Variants in NCOR2 observed in about 807,000 individuals in gnomAD.
NCOR2 encodes CTG repeat protein 26.
A neutral mutation model predicts 262.9 loss-of-function variants in NCOR2; 81 were observed. The ratio of observed to expected loss-of-function variants is 0.31; its 90% CI spans 0.26 to 0.37. The LOEUF is 0.37. Among genes scored for constraint, NCOR2 ranks in the 10% least tolerant of loss-of-function variants. NCOR2 has a pLI of 1.00. For missense variants in NCOR2, 3,385 were observed against 3,621.4 expected (o/e 0.93, Z 1.68); for synonymous variants, 1,659 against 1,559.3 (o/e 1.06, Z -1.51).
In NCOR2 at chr12:124,477,582, A is replaced by T. The variant is rs78073973; in HGVS notation, c.412-4451T>A. Among the ~76,000 whole-genome samples, 664 of 152,272 alleles carry T rather than the reference A, an allele frequency of 4.4e-3. 20 individuals carry two copies. In the East Asian group the frequency reaches 0.078, roughly 18 times the overall value. On this transcript the variant is annotated intron_variant, in intron 3 of 46. Coordinates refer to ENST00000405201, the Ensembl canonical transcript of NCOR2. Reference sequence around the variant, plus strand: ...CTGCACAACATTGTAAATGTCCTACAAGCCAACGAGCTCTTCACTTTAATG... The same window carrying T: ...CTGCACAACATTGTAAATGTCCTACTAGCCAACGAGCTCTTCACTTTAATG...
intron 6 of NCOR2, among the ~76,000 whole-genome samples, chr12:124,455,822 TG>T (rs2045816508): frequency 6.6e-6 from 1 of 152,210 alleles, no homozygotes; most frequent in Non-Finnish European, 1.5e-5. Context: ...TAAGGCCACT[TG>T]GCAAACATGC....
intron 1 of NCOR2, among the ~76,000 whole-genome samples, chr12:124,530,521 T>C (rs2050722120): frequency 6.6e-6 from 1 of 152,196 alleles, no homozygotes; most frequent in Non-Finnish European, 1.5e-5. Flanking sequence ...ACTCACTCCA[T>C]TCCCAGTACC....
At chr12:124,439,263 G>GACA (rs1565945495) in intron 7 of NCOR2, among the ~76,000 whole-genome samples, 271 of 10,124 alleles carry the variant, frequency 0.027, 8 homozygotes, top group African/African-American at 0.061. Context: ...AGAGAGAGAT[G>GACA]GAGACCCTGA....
At chr12:124,384,839 G>C (rs2040675251) in intron 17 of NCOR2, among the ~76,000 whole-genome samples, 1 of 152,032 alleles carries the variant, frequency 6.6e-6, no homozygotes, top group Non-Finnish European at 1.5e-5. Context: ...CCTGGGGGAG[G>C]GGAGCTATGC....
Position 124,389,654 on chromosome 12 carries a change from A to G in NCOR2, c.1877-3767T>C, listed in dbSNP as rs1593333006. Among the ~76,000 whole-genome samples the G allele has an allele frequency of 6.7e-6, 1 of 149,668 alleles. No homozygotes were observed. Among genetic ancestry groups the G allele is most frequent in the Non-Finnish European group, 1.5e-5 (1 of 67,644 alleles). ...AGGCTGACCGAGCCCTCTGTCGGGGACTGTGGGTGGGCAGGGCTAGCCTCG... is the reference window on the plus strand; with the variant it reads ...AGGCTGACCGAGCCCTCTGTCGGGGGCTGTGGGTGGGCAGGGCTAGCCTCG... On this transcript the variant is annotated intron_variant, in intron 16 of 46. Transcript: ENST00000405201. This position sits in a 1 kb window ranked among gnomAD's most constrained non-coding sequence, Gnocchi z 4.4.
chr12:124,433,027 G>C (rs960849752), intron 8 of NCOR2, among the ~76,000 whole-genome samples: 1 of 152,118 alleles, frequency 6.6e-6, no homozygotes, highest in African/African-American at 2.4e-5. Context: ...TCTGGTCCTG[G>C]AGCCCAGACA....
upstream of NCOR2, among the ~76,000 whole-genome samples, chr12:124,500,139 G>C (rs2048618980): frequency 6.6e-6 from 1 of 152,230 alleles, no homozygotes; most frequent in South Asian, 2.1e-4. Context: ...GTGAGGTCAA[G>C]GGACTTGTAG....
rs191158002 is a variant in NCOR2 at position 124,374,329 on chromosome 12, G to A, written c.2218+84C>T. 100 of 1,381,672 alleles carry A rather than the reference G, an allele frequency of 7.2e-5. 1 individual carries two copies. The highest frequency in any genetic ancestry group is 3.7e-4 in the African/African-American group (26 of 70,140). The allele number at this position is 1,381,672 out of a possible 1,614,324, so 85.6% of individuals were successfully genotyped here. ...CAGAAAGAGGCATGTGCTCAGAAGC[G>A]GGGTTCCTTGTGGAGGACCGGGGAC... On this transcript the variant is annotated intron_variant, in intron 19 of 46. Transcript: ENST00000405201.
chr12:124,510,632 C>T (rs116416390), intron 1 of NCOR2, among the ~76,000 whole-genome samples: 3,768 of 152,346 alleles, frequency 0.025, 142 homozygotes, highest in African/African-American at 0.086. Context: ...GGGACCCTGT[C>T]ACCAGCATAC....
chr12:124,402,573 C>CG lies in NCOR2; in HGVS notation c.1483-13dup, dbSNP rs2042041367. 6.4e-6 allele frequency: 10 copies of CG among 1,552,322 alleles called. No homozygotes were observed. Among genetic ancestry groups the CG allele is most frequent in the Non-Finnish European group, 7.8e-6 (9 of 1,148,792 alleles). ...TGTTGTTGCTGCTGCTGTCAGACCC[C>CG]GGGGGAGGGCAGAGGGGAGTGGGGA... is the stretch of plus-strand genomic sequence containing the variant. On this transcript the variant is annotated splice_polypyrimidine_tract_variant and intron_variant, in intron 13 of 46. Transcript: ENST00000405201.
intron 19 of NCOR2, among the ~76,000 whole-genome samples, chr12:124,372,986 G>A (rs576851320): frequency 2.6e-5 from 4 of 152,326 alleles, no homozygotes; most frequent in East Asian, 3.9e-4. Flanking sequence ...CTCTAACCCC[G>A]GCTCTGCCCC....
chr12:124,426,622 T>C (rs2043571221), exon 11 of NCOR2: 2 of 1,580,292 alleles, frequency 1.3e-6, no homozygotes, highest in Non-Finnish European at 1.7e-6. Context: ...GAGGACTCAC[T>C]TCTCCCGGAA....
intron 22 of NCOR2, among the ~76,000 whole-genome samples, chr12:124,357,530 C>T (rs941534862): frequency 6.6e-6 from 1 of 152,234 alleles, no homozygotes; most frequent in Non-Finnish European, 1.5e-5. Context: ...CTACTGGGCT[C>T]AAGAGATCCT....
intron 11 of NCOR2, among the ~76,000 whole-genome samples, chr12:124,425,984 A>G (rs973471962): frequency 2.3e-4 from 35 of 152,308 alleles, no homozygotes; most frequent in African/African-American, 7.9e-4. Context: ...GCCAGCAGCT[A>G]TTGTCAAAGA....
chr12:124,466,149 G>C (rs1310378747), intron 5 of NCOR2, 24 bp downstream of exon 7: 80 of 1,586,012 alleles, frequency 5.0e-5, no homozygotes, highest in Non-Finnish European at 6.9e-5. Context: ...CCGGGGGGCA[G>C]CAGGCCAGGG....
intron 5 of NCOR2, among the ~76,000 whole-genome samples, chr12:124,460,730 T>C (rs969237696): frequency 2.6e-5 from 4 of 152,166 alleles, no homozygotes; most frequent in Non-Finnish European, 5.9e-5. Flanking sequence ...GACACTTGGA[T>C]AGGAGGTCAC....
chr12:124,398,469 T>A (rs2041815863), intron 15 of NCOR2, among the ~76,000 whole-genome samples: 1 of 152,234 alleles, frequency 6.6e-6, no homozygotes, highest in Non-Finnish European at 1.5e-5. Flanking sequence ...TCGGGGCACC[T>A]GCGATCACCC....
chr12:124,510,843 G>A (rs898933512), intron 1 of NCOR2, among the ~76,000 whole-genome samples: 2 of 152,092 alleles, frequency 1.3e-5, no homozygotes, highest in African/African-American at 2.4e-5. Flanking sequence ...TCCACCCCGG[G>A]CCCAGGAGGA....
intron 1 of NCOR2, among the ~76,000 whole-genome samples, chr12:124,491,612 CTTTAGCCCATTCG>C (rs1041856565): frequency 1.3e-5 from 2 of 152,212 alleles, no homozygotes; most frequent in African/African-American, 4.8e-5. Flanking sequence ...AACTGCATTC[CTTTAGCCCATTCG>C]TTTAGCCCAA....
Sources: gnomAD v4.1 joint callset for allele counts (sites outside exome capture counted in the v4.1 genomes callset) on GRCh38, gnomAD v4.1.1 for gene constraint, Gnocchi (gnomAD v3.1) non-coding constraint, MANE v1.5 for transcripts, NCBI Gene and HGNC (gene_info 2026-07-23, HGNC 2026-07-21) for gene names.